The following GRM7 variants were observed in gnomAD, a reference collection of about 807,000 sequenced individuals.
GRM7 encodes the protein glutamate metabotropic receptor 7.
Under a neutral mutation model 84.5 loss-of-function variants are expected in GRM7, and 35 were observed. That is an observed-to-expected ratio of 0.41 (90% CI 0.32 to 0.55). The LOEUF is 0.55. Among genes scored for constraint, GRM7 ranks in the 20% least tolerant of loss-of-function variants. The probability of loss-of-function intolerance (pLI) is 0.19; values close to 1 mark genes in which losing one functional copy is unlikely to be tolerated. For missense variants in GRM7, 1,003 were observed against 1,194.6 expected, an observed-to-expected ratio of 0.84 and a Z score of 2.36; for synonymous variants, 487 against 455.1, an observed-to-expected ratio of 1.07 and a Z score of -0.89.
intron 1 of GRM7, among the ~76,000 whole-genome samples, chr3:6,953,783 G>C (rs751671377): frequency 6.6e-6 from 1 of 152,146 alleles, no homozygotes; most frequent in Non-Finnish European, 1.5e-5. Context: ...AGCCAGGTAG[G>C]CTAGTACCTG....
Position 6,928,008 on chromosome 3 carries a change from A to G in GRM7, c.519+66101A>G, listed in dbSNP as rs1697373161. On this transcript the variant is annotated intron_variant, in intron 1 of 9. Transcript: ENST00000357716. This position sits in a 1 kb window ranked among gnomAD's most constrained non-coding sequence, Gnocchi z 4.5. ...TCACTAGGTCGCAAATCCACTTGTA[A>G]CTCACATAGGCAATTTTTCAGAAAT... Among the ~76,000 whole-genome samples, 1 of 152,164 alleles carries G rather than the reference A, an allele frequency of 6.6e-6. No homozygotes were observed. The highest frequency in any genetic ancestry group is 2.4e-5 in the African/African-American group (1 of 41,442).
At chr3:7,591,325 A>G (rs1045300609) in intron 8 of GRM7, 4 of 206,922 alleles carry the variant, frequency 1.9e-5, no homozygotes, top group Admixed American at 1.8e-4. Flanking sequence ...CCAATCTCAT[A>G]TATAATTTTC....
intron 4 of GRM7, among the ~76,000 whole-genome samples, chr3:7,326,799 A>T (rs1044443080): frequency 6.7e-6 from 1 of 150,276 alleles, no homozygotes; most frequent in African/African-American, 2.5e-5. Flanking sequence ...ACGCCATTGC[A>T]CTCCAGCCTG....
At chr3:7,378,802 C>T (rs1213098602) in intron 4 of GRM7, among the ~76,000 whole-genome samples, 1 of 152,148 alleles carries the variant, frequency 6.6e-6, no homozygotes, top group East Asian at 1.9e-4. Flanking sequence ...GATTTTGCCA[C>T]ATTTGATTCA....
intron 7 of GRM7, among the ~76,000 whole-genome samples, chr3:7,501,443 G>T (rs1348284901): frequency 6.6e-6 from 1 of 152,148 alleles, no homozygotes; most frequent in African/African-American, 2.4e-5. Flanking sequence ...TATTGACTAC[G>T]TGAGTCAGAC....
intron 2 of GRM7, among the ~76,000 whole-genome samples, chr3:7,200,087 CATG>C (rs1696014657): frequency 6.6e-6 from 1 of 152,170 alleles, no homozygotes; most frequent in Non-Finnish European, 1.5e-5. Flanking sequence ...CAGGGGATCA[CATG>C]GTGAGGGAGG....
At chr3:7,178,592 C>T (rs961407196) in intron 2 of GRM7, among the ~76,000 whole-genome samples, 1 of 152,002 alleles carries the variant, frequency 6.6e-6, no homozygotes, top group African/African-American at 2.4e-5. Context: ...CAAGAGTCGA[C>T]CCATAAAGCA....
chr3:7,521,448 C>A (rs1219075611), intron 7 of GRM7, among the ~76,000 whole-genome samples: 1 of 152,184 alleles, frequency 6.6e-6, no homozygotes, highest in African/African-American at 2.4e-5. Flanking sequence ...AAAAGAGATG[C>A]AAGGAAGATC....
chr3:7,582,063 G>GT (rs1351944969), intron 8 of GRM7, among the ~76,000 whole-genome samples: 2 of 152,044 alleles, frequency 1.3e-5, no homozygotes, highest in South Asian at 4.1e-4. Flanking sequence ...TTTAGGTGGC[G>GT]TAATGATGCA....
intron 1 of GRM7, among the ~76,000 whole-genome samples, chr3:6,995,417 C>G (rs1177637696): frequency 1.3e-5 from 2 of 152,182 alleles, no homozygotes; most frequent in African/African-American, 4.8e-5. Context: ...GCCCATGAGC[C>G]ATAATGTACT....
intron 7 of GRM7, among the ~76,000 whole-genome samples, chr3:7,507,142 C>G (rs955226633): frequency 3.3e-5 from 5 of 152,026 alleles, no homozygotes; most frequent in Non-Finnish European, 7.4e-5. Flanking sequence ...TTATTGTAAA[C>G]AGCAGAAATT....
chr3:7,129,584 A>G (rs1693522985), intron 1 of GRM7, among the ~76,000 whole-genome samples: 1 of 152,160 alleles, frequency 6.6e-6, no homozygotes, highest in Non-Finnish European at 1.5e-5. Flanking sequence ...GAAAGACTTC[A>G]CCCAACAAAA....
At chr3:6,937,356 G>T (rs2125052086) in intron 1 of GRM7, among the ~76,000 whole-genome samples, 1 of 152,284 alleles carries the variant, frequency 6.6e-6, no homozygotes, top group Middle Eastern at 3.4e-3. Context: ...AAAACAAATT[G>T]TTAACCTCAG....
intron 1 of GRM7, among the ~76,000 whole-genome samples, chr3:6,932,588 G>A (rs1174617321): frequency 6.6e-6 from 1 of 151,872 alleles, no homozygotes; most frequent in African/African-American, 2.4e-5. Context: ...AATAAAAGGT[G>A]GTTTTATGTA....
intron 7 of GRM7, among the ~76,000 whole-genome samples, chr3:7,554,457 C>A (rs1348208293): frequency 6.6e-6 from 1 of 152,136 alleles, no homozygotes; most frequent in African/African-American, 2.4e-5. Flanking sequence ...TACAGTTGAG[C>A]AAATGTGACA....
At chr3:7,225,165 A>G (rs931622194) in intron 2 of GRM7, among the ~76,000 whole-genome samples, 1 of 152,132 alleles carries the variant, frequency 6.6e-6, no homozygotes, top group Non-Finnish European at 1.5e-5. Flanking sequence ...TTAAAAATTC[A>G]TATCTATTCC....
At chr3:7,629,387 GT>G (rs1697765958) in intron 8 of GRM7, among the ~76,000 whole-genome samples, 1 of 152,128 alleles carries the variant, frequency 6.6e-6, no homozygotes, top group African/African-American at 2.4e-5. Flanking sequence ...AGCAGGGTTG[GT>G]TTCTGGTGAG....
intron 7 of GRM7, among the ~76,000 whole-genome samples, chr3:7,515,438 C>A (rs149492953): frequency 4.3e-4 from 66 of 152,238 alleles, no homozygotes; most frequent in African/African-American, 1.5e-3. Context: ...AGACATTGTC[C>A]ATGTTCCCTC....
At chr3:7,351,581 A>T (rs956439287) in intron 4 of GRM7, among the ~76,000 whole-genome samples, 1 of 152,048 alleles carries the variant, frequency 6.6e-6, no homozygotes, top group Non-Finnish European at 1.5e-5. Flanking sequence ...GGACCAAGAA[A>T]GGAAGACATG....
Sources: allele counts gnomAD v4.1 joint callset (sites outside exome capture counted in the v4.1 genomes callset), GRCh38; gene constraint gnomAD v4.1.1; non-coding constraint Gnocchi (gnomAD v3.1); transcripts MANE v1.5; gene names NCBI Gene and HGNC (gene_info 2026-07-23, HGNC 2026-07-21).